Variants in CCSER1 observed in about 807,000 individuals in gnomAD.
CCSER1 encodes the protein serine-rich coiled-coil domain-containing protein 1.
In CCSER1, 41 loss-of-function variants were observed where a neutral mutation model predicts 82.0. That is an observed-to-expected ratio of 0.50 (90% CI 0.39 to 0.65). CCSER1 has a LOEUF of 0.65. CCSER1 is among the 30% of genes least tolerant of loss of function. The pLI, the probability that CCSER1 is intolerant of heterozygous loss-of-function variation, is 0.00. For synonymous variants in CCSER1, 414 were observed against 383.9 expected (o/e 1.08, Z -0.92); for missense variants, 1,119 against 1,064.2 (o/e 1.05, Z -0.72).
intron 10 of CCSER1, among the ~76,000 whole-genome samples, chr4:91,380,232 G>T (rs897238444): frequency 2.6e-5 from 4 of 152,124 alleles, no homozygotes; most frequent in Non-Finnish European, 2.9e-5. Flanking sequence ...TGTTGATTTG[G>T]GGTGGAGAGT....
chr4:90,339,425 T>C (rs1255581402), intron 3 of CCSER1, among the ~76,000 whole-genome samples: 1 of 152,178 alleles, frequency 6.6e-6, no homozygotes, highest in Admixed American at 6.5e-5. Context: ...TTAAATTATG[T>C]TATGTCTGTT....
chr4:90,878,452 T>A (rs1331247665), intron 8 of CCSER1, among the ~76,000 whole-genome samples: 1 of 152,206 alleles, frequency 6.6e-6, no homozygotes, highest in African/African-American at 2.4e-5. Context: ...AAAATCTCAC[T>A]TTTAGATTAA....
chr4:90,569,650 A>G (rs1158736131), intron 5 of CCSER1, among the ~76,000 whole-genome samples: 1 of 152,186 alleles, frequency 6.6e-6, no homozygotes, highest in Non-Finnish European at 1.5e-5. Flanking sequence ...CAGAGGCACA[A>G]TTTGTACCTA....
intron 8 of CCSER1, among the ~76,000 whole-genome samples, chr4:90,838,240 A>T (rs1423251158): frequency 6.6e-6 from 1 of 151,394 alleles, no homozygotes; most frequent in Non-Finnish European, 1.5e-5. Context: ...AGTGAATGTG[A>T]TCTTTATGGA....
intron 9 of CCSER1, among the ~76,000 whole-genome samples, chr4:91,068,704 A>G (rs1325794875): frequency 6.6e-6 from 1 of 152,186 alleles, no homozygotes; most frequent in Non-Finnish European, 1.5e-5. Context: ...CGCGTAGACT[A>G]CCACTGGTTA....
At chr4:90,298,994 C>A (rs994279958) in intron 1 of CCSER1, among the ~76,000 whole-genome samples, 1 of 152,012 alleles carries the variant, frequency 6.6e-6, no homozygotes, top group Non-Finnish European at 1.5e-5. Context: ...CTCTATTTCT[C>A]TTTTCTCTCT....
At chr4:90,648,274 G>GAGAGAAAGAAAGGAAAGAA (rs1323733857) in intron 6 of CCSER1, among the ~76,000 whole-genome samples, 6,036 of 98,394 alleles carry the variant, frequency 0.061, 735 homozygotes, top group Middle Eastern at 0.15. Context: ...GAAAGAGAGA[G>GAGAGAAAGAAAGGAAAGAA]AGAAAGAAAG....
intron 10 of CCSER1, among the ~76,000 whole-genome samples, chr4:91,242,923 G>C (rs1739481550): frequency 6.6e-6 from 1 of 152,158 alleles, no homozygotes. Context: ...TCTGCACACA[G>C]AGAAGCTCTA....
At chr4:90,593,270 T>C (rs894987171) in intron 5 of CCSER1, among the ~76,000 whole-genome samples, 2 of 152,114 alleles carry the variant, frequency 1.3e-5, no homozygotes, top group African/African-American at 4.8e-5. Context: ...GTGATTCTAA[T>C]GCCACCAGTT....
At chr4:90,704,957 C>T (rs1739013118) in intron 6 of CCSER1, among the ~76,000 whole-genome samples, 2 of 152,180 alleles carry the variant, frequency 1.3e-5, no homozygotes, top group Admixed American at 1.3e-4. Flanking sequence ...TCATCTTAAG[C>T]CTTCTTTTCT....
At chr4:91,421,337 C>T (rs1753672285) in intron 10 of CCSER1, among the ~76,000 whole-genome samples, 1 of 152,090 alleles carries the variant, frequency 6.6e-6, no homozygotes, top group Non-Finnish European at 1.5e-5. Flanking sequence ...AGCCTGAGAA[C>T]CAGAGAAACA....
chr4:90,809,336 A>G (rs936031046), intron 7 of CCSER1, among the ~76,000 whole-genome samples: 16 of 144,936 alleles, frequency 1.1e-4, no homozygotes, highest in Non-Finnish European at 2.2e-4. Context: ...ACACACACAC[A>G]CACACGCACA....
intron 10 of CCSER1, among the ~76,000 whole-genome samples, chr4:91,570,997 A>G (rs1763149545): frequency 6.6e-6 from 1 of 152,158 alleles, no homozygotes; most frequent in Non-Finnish European, 1.5e-5. Flanking sequence ...TCAAAGTTCC[A>G]CAGATCTCTA....
chr4:90,175,957 G>A (rs1166123802), intron 1 of CCSER1, among the ~76,000 whole-genome samples: 1 of 151,954 alleles, frequency 6.6e-6, no homozygotes, highest in Non-Finnish European at 1.5e-5. Context: ...ACAGGTTGAT[G>A]TAAGATGAAT....
At chr4:91,263,850 G>A (rs565577841) in intron 10 of CCSER1, among the ~76,000 whole-genome samples, 159 of 151,966 alleles carry the variant, frequency 1.0e-3, no homozygotes, top group Non-Finnish European at 1.6e-3. Context: ...AAAGATGTAA[G>A]CTACTTTTTT....
chr4:91,230,458 A>G (rs1258017179), intron 10 of CCSER1, among the ~76,000 whole-genome samples: 1 of 152,072 alleles, frequency 6.6e-6, no homozygotes, highest in Non-Finnish European at 1.5e-5. Flanking sequence ...GCTCAACTAA[A>G]AACAAGTGTA....
chr4:91,329,854 CA>C (rs2149274989), intron 10 of CCSER1, among the ~76,000 whole-genome samples: 1 of 152,092 alleles, frequency 6.6e-6, no homozygotes, highest in East Asian at 1.9e-4. Context: ...TTTTAATTCC[CA>C]ATGTTATTTA....
chr4:90,308,945 C>G lies in CCSER1; in HGVS notation c.661C>G (p.Pro221Ala). 1 of 1,613,784 alleles carries G rather than the reference C, an allele frequency of 6.2e-7. No homozygotes were observed. The highest frequency in any genetic ancestry group is 1.3e-5 in the African/African-American group (1 of 75,036). ...LEVTQYQERE[P>A]VLVRASPSCS... is the part of the protein sequence containing the mutation. ...AGTTACACAGTACCAAGAGAGAGAA[C>G]CTGTATTAGTAAGAGCTTCGCCATC... The change falls in exon 2 of 11, where the codon CCT becomes GCT. Residue 221 changes from proline (P) to alanine (A), a missense_variant. Transcript: ENST00000509176.
intron 10 of CCSER1, among the ~76,000 whole-genome samples, chr4:91,248,820 GAT>G (rs1045042035): frequency 1.3e-5 from 2 of 152,048 alleles, no homozygotes; most frequent in Admixed American, 1.3e-4. Flanking sequence ...ACAAATATAA[GAT>G]ATTATTGTGG....
Sources: allele counts gnomAD v4.1 joint callset (sites outside exome capture counted in the v4.1 genomes callset), GRCh38; gene constraint gnomAD v4.1.1; transcripts MANE v1.5; gene names NCBI Gene and HGNC (gene_info 2026-07-23, HGNC 2026-07-21).